Variants in TOP3A observed in about 807,000 individuals in gnomAD.
TOP3A encodes DNA topoisomerase 3-alpha.
Under a neutral mutation model 111.3 loss-of-function variants are expected in TOP3A, and 64 were observed. The observed-to-expected ratio is 0.57, with a 90% CI of 0.47 to 0.71. TOP3A has a LOEUF of 0.71. Among genes scored for constraint, TOP3A ranks in the 30% least tolerant of loss-of-function variants. The probability of loss-of-function intolerance (pLI) is 0.00; values close to 1 mark genes in which losing one functional copy is unlikely to be tolerated. For synonymous variants in TOP3A, 484 were observed against 485.1 expected, an observed-to-expected ratio of 1.00 and a Z score of 0.03; for missense variants, 1,104 against 1,285.0, an observed-to-expected ratio of 0.86 and a Z score of 2.15.
At chr17:18,298,265 A>G (rs1980975804) in intron 9 of TOP3A, among the ~76,000 whole-genome samples, 1 of 137,274 alleles carries the variant, frequency 7.3e-6, no homozygotes, top group Admixed American at 7.0e-5. Flanking sequence ...CCCTCCGCCC[A>G]GCAGCCACCC....
rs1980559083 is a variant in TOP3A, at chr17:18,292,755, C to T, written c.1171G>A (p.Ala391Thr). 4.3e-6 allele frequency: 7 copies of T among 1,613,340 alleles called. No individual in the cohort carries two copies. The Admixed American group carries it at 6.7e-5, about 15-fold the overall frequency. The change falls in exon 11 of 19, where the codon GCC (alanine) becomes ACC (threonine). Residue 391 changes from alanine (A) to threonine (T), a missense_variant. Transcript: ENST00000321105. Reference protein sequence around the residue: ...EQQTPDPRWGAFAQSILERGG... With the variant: ...EQQTPDPRWGTFAQSILERGG... ...CGCTCTAGAATGCTCTGGGCAAAGG[C>T]CCCCCAGCGTGGATCGGGGGTCTGC...
intron 10 of TOP3A, among the ~76,000 whole-genome samples, chr17:18,293,969 T>C (rs986387291): frequency 6.6e-6 from 1 of 152,222 alleles, no homozygotes; most frequent in African/African-American, 2.4e-5. Context: ...CAAAACCCAA[T>C]GTATATTTTA....
chr17:18,275,754 C>T (rs1227632140), intron 18 of TOP3A, among the ~76,000 whole-genome samples: 2 of 151,624 alleles, frequency 1.3e-5, no homozygotes, highest in African/African-American at 4.9e-5. Flanking sequence ...CCCGGGTTCA[C>T]GCCATTGTCC....
chr17:18,311,881 CCT>C (rs1249190705), intron 1 of TOP3A: 3 of 152,322 alleles, frequency 2.0e-5, no homozygotes, highest in African/African-American at 7.2e-5. Flanking sequence ...ATTTCAGCAG[CCT>C]CTCTCCTCTA....
chr17:18,274,307 T>C lies in TOP3A; in HGVS notation c.*495A>G, dbSNP rs1979190329. 1 of 152,514 alleles carries C rather than the reference T, an allele frequency of 6.6e-6. No individual in the cohort carries two copies. The highest frequency in any genetic ancestry group is 2.4e-5 in the African/African-American group (1 of 41,462). The allele number at this position is 152,514 out of a possible 1,614,324, so 9.4% of individuals were successfully genotyped here. A position where few individuals can be genotyped will look rare whatever the true frequency, so the allele number is the denominator to read the frequency against. ...TAGATTAAGAGGGAATGAAGCTTCT[T>C]CTGAAGGATCAGTGTTACCACAGCC... On this transcript the variant is annotated 3_prime_UTR_variant, in exon 19 of 19. Coordinates refer to ENST00000321105, the MANE Select transcript of TOP3A (RefSeq NM_004618.5).
At chr17:18,304,049 C>A (rs1981405774) in intron 5 of TOP3A, among the ~76,000 whole-genome samples, 1 of 152,180 alleles carries the variant, frequency 6.6e-6, no homozygotes, top group African/African-American at 2.4e-5. Flanking sequence ...ACTGCAACCT[C>A]TGCTTCCTGG....
chr17:18,298,613 G>C (rs534247379), intron 9 of TOP3A, among the ~76,000 whole-genome samples: 9 of 151,902 alleles, frequency 5.9e-5, no homozygotes, highest in East Asian at 3.9e-4. Context: ...GAATAGAAAG[G>C]GGGGAAGGGT....
Position 18,294,715 on chromosome 17 carries a change from A to T in TOP3A, c.1061T>A (p.Leu354His), listed in dbSNP as rs1466769474. 6.2e-7 allele frequency: 1 copy of T among 1,612,800 alleles called. No individual in the cohort carries two copies. The change falls in exon 10 of 19, where the codon CTC becomes CAC. Residue 354 changes from leucine to histidine, a missense_variant. Physicochemically the swap from Leu to His is moderately conservative, Grantham distance 99 (BLOSUM62 -3). Coordinates refer to ENST00000321105, the MANE Select transcript of TOP3A (RefSeq NM_004618.5). ...AKETMRIAEKLYTQGYISYPR... is the reference protein window; with the variant it reads ...AKETMRIAEKHYTQGYISYPR... ...CCAAAATACTTACCCTTGAGTGTAG[A>T]GCTTCTCAGCAATCCTCATGGTTTC... is the stretch of plus-strand genomic sequence containing the variant.
chr17:18,289,608 G>C (rs546373457), intron 13 of TOP3A, among the ~76,000 whole-genome samples: 2 of 152,262 alleles, frequency 1.3e-5, no homozygotes, highest in Admixed American at 6.5e-5. Context: ...GCCCAAGCTG[G>C]TCTTGAATTC....
chr17:18,274,354 C>G lies in TOP3A; in HGVS notation c.*448G>C, dbSNP rs527894213. ...AGCCATTTCCTTGCATTACACCGTC[C>G]TTCTCAGGACGTCTATGAGAAGCCC... On this transcript the variant is annotated 3_prime_UTR_variant, in exon 19 of 19. Transcript: ENST00000321105. The G allele has an allele frequency of 6.4e-6, 1 of 155,066 alleles. No homozygotes were observed. Among genetic ancestry groups the G allele is most frequent in the East Asian group, 1.9e-4 (1 of 5,280 alleles). 9.6% of individuals were successfully genotyped at this position (155,066 alleles called of 1,614,324 possible).
chr17:18,299,548 C>A lies in TOP3A; in HGVS notation c.990+11G>T. The A allele has an allele frequency of 6.2e-7, 1 of 1,613,790 alleles. No homozygotes were observed. The highest frequency in any genetic ancestry group is 8.5e-7 in the Non-Finnish European group (1 of 1,179,688). On this transcript the variant is annotated intron_variant, in intron 9 of 18. Coordinates refer to ENST00000321105, the MANE Select transcript of TOP3A (RefSeq NM_004618.5). ...TCCCCGAGTGCCTGAAACAGCCTGT[C>A]TGGAACATACCACAGTGTCCAAGGC...
chr17:18,290,093 CAG>C (rs1013978103), intron 13 of TOP3A, among the ~76,000 whole-genome samples: 1 of 152,250 alleles, frequency 6.6e-6, no homozygotes, highest in African/African-American at 2.4e-5. Context: ...TTCAGACCTG[CAG>C]AGACAGCTGC....
intron 13 of TOP3A, among the ~76,000 whole-genome samples, chr17:18,288,082 A>G (rs1448134548): frequency 3.3e-5 from 5 of 150,532 alleles, no homozygotes; most frequent in African/African-American, 1.2e-4. Context: ...TGTACATTAT[A>G]CATTTGAAGG....
intron 8 of TOP3A, among the ~76,000 whole-genome samples, chr17:18,301,611 G>C (rs1005887084): frequency 4.6e-5 from 7 of 152,152 alleles, no homozygotes; most frequent in African/African-American, 1.7e-4. Flanking sequence ...GATAATCCTT[G>C]CTAATTTCTG....
At chr17:18,278,791 A>T (rs557916959) in intron 17 of TOP3A, among the ~76,000 whole-genome samples, 1 of 152,202 alleles carries the variant, frequency 6.6e-6, no homozygotes, top group East Asian at 1.9e-4. Context: ...CATCCTGACC[A>T]ACATGGTGAA....
Position 18,277,797 on chromosome 17 carries a change from G to C in TOP3A, c.2705C>G (p.Pro902Arg). The change falls in exon 18 of 19, where the codon CCC becomes CGC. Residue 902 changes from proline to arginine, a missense_variant. Transcript: ENST00000321105. ...CTTCTGCACAGTCCGTGTGACGGAG[G>C]GCTGGCTGCAAAGGCAGGATGTGCC... ...GSGTSCLCSQ[P>R]SVTRTVQKDG... 6.2e-7 allele frequency: 1 copy of C among 1,614,176 alleles called. No homozygotes were observed. Among genetic ancestry groups the C allele is most frequent in the Non-Finnish European group, 8.5e-7 (1 of 1,180,040 alleles).
chr17:18,305,410 C>T (rs1003864910), intron 4 of TOP3A, among the ~76,000 whole-genome samples, 190 bp from the exon 5 acceptor site: 3 of 152,024 alleles, frequency 2.0e-5, no homozygotes, highest in Admixed American at 1.3e-4. Flanking sequence ...GAACCATAAA[C>T]GAGTTTCTAG....
rs1979102937 is a variant in TOP3A at position 18,273,161 on chromosome 17, G to A, written c.*1641C>T. The A allele has an allele frequency of 6.6e-6, 1 of 152,176 alleles. No homozygotes were observed. The allele number at this position is 152,176 out of a possible 1,614,324, so 9.4% of individuals were successfully genotyped here. ...ACCCCATCAGAACACAGAGCCACTG[G>A]TCTATGGGCCAGGAGCCCAAGACCT... On this transcript the variant is annotated 3_prime_UTR_variant, in exon 19 of 19. Transcript: ENST00000321105.
chr17:18,314,758 G>C lies in TOP3A; in HGVS notation c.21C>G (p.Arg7=). 6.4e-7 allele frequency: 1 copy of C among 1,556,690 alleles called. No individual in the cohort carries two copies. Among genetic ancestry groups the C allele is most frequent in the Admixed American group, 1.9e-5 (1 of 51,486 alleles). ...GCCGTCGCAGCCACCGGAGCGCGTAGCGGGCGACAGGAAAGATCATCCTCA... is the reference window on the plus strand; with the variant it reads ...GCCGTCGCAGCCACCGGAGCGCGTACCGGGCGACAGGAAAGATCATCCTCA... MIFPVA[R]YALRWLRRPE... The change falls in exon 1 of 19, where the codon CGC becomes CGG. Residue 7 remains arginine (R), a synonymous_variant. Transcript: ENST00000321105.
Sources: gnomAD v4.1 joint callset for allele counts (sites outside exome capture counted in the v4.1 genomes callset) on GRCh38, gnomAD v4.1.1 for gene constraint, MANE v1.5 for transcripts, NCBI Gene and HGNC (gene_info 2026-07-23, HGNC 2026-07-21) for gene names.